Variants in DMD observed in about 807,000 individuals in gnomAD.
DMD encodes the protein mutant dystrophin.
A neutral mutation model predicts 330.1 loss-of-function variants in DMD; 63 were observed. The observed-to-expected ratio is 0.19, with a 90% confidence interval of 0.16 to 0.24. The LOEUF is 0.24. Among genes scored for constraint, DMD ranks in the 10% least tolerant of loss-of-function variants. DMD has a pLI of 1.00. For missense variants in DMD, 3,344 were observed against 2,684.1 expected (o/e 1.25, Z -5.43); for synonymous variants, 1,223 against 959.8 (o/e 1.27, Z -5.07).
intron 2 of DMD, among the ~76,000 whole-genome samples, chrX:33,012,969 G>A (rs1360521764): frequency 9.0e-6 from 1 of 110,734 alleles, no homozygotes; most frequent in African/African-American, 3.3e-5. Flanking sequence ...AACATTCAAA[G>A]GTAGATTAAA....
intron 3 of DMD, among the ~76,000 whole-genome samples, chrX:32,846,091 G>A (rs1178612766): frequency 9.0e-6 from 1 of 111,469 alleles, no homozygotes; most frequent in Non-Finnish European, 1.9e-5. Context: ...CACTAAGATT[G>A]GTGCTTGTCA....
intron 59 of DMD, among the ~76,000 whole-genome samples, chrX:31,455,794 C>T (rs947383856): frequency 8.9e-6 from 1 of 111,861 alleles, no homozygotes; most frequent in African/African-American, 3.2e-5. Flanking sequence ...AAAATATATT[C>T]TGCTTGGTGG....
intron 39 of DMD, 41 bp from the exon 40 acceptor site, chrX:32,343,327 G>A: frequency 9.1e-7 from 1 of 1,096,689 alleles, no homozygotes; most frequent in Non-Finnish European, 1.3e-6. Context: ...CAATATATAT[G>A]TATAGTGCAC....
chrX:33,160,386 T>C (rs2048714503), intron 1 of DMD, among the ~76,000 whole-genome samples: 1 of 111,504 alleles, frequency 9.0e-6, no homozygotes, highest in South Asian at 3.8e-4. Context: ...ACTGCCTTTA[T>C]GTGAAGGAAG....
Position 33,082,087 on chromosome X carries a change from A to T in DMD, c.32-61887T>A, listed in dbSNP as rs777489065. 1.7e-4 allele frequency among the ~76,000 whole-genome samples: 19 copies of T among 111,212 alleles called. No homozygotes were observed. The South Asian group carries it at 5.8e-3, about 34-fold the overall frequency. On this transcript the variant is annotated intron_variant, in intron 1 of 78. Coordinates refer to ENST00000357033, the MANE Select transcript of DMD (RefSeq NM_004006.3). ...TTAAGAGTGGCAAGACAAAAAAATT[A>T]AAAAAGAGAAAAAAATGGAGAAAAA...
At chrX:32,809,276 G>T (rs775251434) in intron 7 of DMD, among the ~76,000 whole-genome samples, 1 of 111,945 alleles carries the variant, frequency 8.9e-6, no homozygotes, top group South Asian at 3.7e-4. Flanking sequence ...TTTCCTAAAA[G>T]TCTTCACTGC....
Position 32,417,913 on chromosome X carries a change from C to T in DMD, c.4072-6000G>A, listed in dbSNP as rs1200225732. Reference sequence around the variant, plus strand: ...ATTTGCCTATTTTCCTTAACTCCTACTTCCCAAGACATTGGAGAATAATAT... The same window carrying T: ...ATTTGCCTATTTTCCTTAACTCCTATTTCCCAAGACATTGGAGAATAATAT... On this transcript the variant is annotated intron_variant, in intron 29 of 78. Transcript: ENST00000357033. Among the ~76,000 whole-genome samples, 3 of 107,411 alleles carry T rather than the reference C, an allele frequency of 2.8e-5. No individual in the cohort carries two copies. In the Admixed American group the frequency reaches 3.0e-4, roughly 11 times the overall value. 93.3% of individuals were successfully genotyped at this position (107,411 alleles called of 115,157 possible).
At chrX:32,398,187 T>C (rs1357121155) in intron 30 of DMD, among the ~76,000 whole-genome samples, 3 of 110,371 alleles carry the variant, frequency 2.7e-5, no homozygotes, top group African/African-American at 9.8e-5. Context: ...TTGAAAAGTT[T>C]CAGGTTATAC....
intron 43 of DMD, among the ~76,000 whole-genome samples, chrX:32,235,111 CATTAT>C (rs2097182802): frequency 1.8e-5 from 2 of 111,340 alleles, no homozygotes; most frequent in Non-Finnish European, 3.8e-5. Flanking sequence ...ATTATTATCA[CATTAT>C]AATATATAAT....
intron 63 of DMD, among the ~76,000 whole-genome samples, chrX:31,246,292 G>A (rs1331532411): frequency 8.9e-6 from 1 of 111,951 alleles, no homozygotes; most frequent in African/African-American, 3.2e-5. Context: ...GCTAGTAGAG[G>A]TTGCTTCAAG....
At chrX:31,207,485 A>T (rs1212070456) in intron 65 of DMD, among the ~76,000 whole-genome samples, 6 of 112,198 alleles carry the variant, frequency 5.3e-5, no homozygotes, top group African/African-American at 1.9e-4. Flanking sequence ...AAGACATGGA[A>T]TCAATATGAA....
At chrX:31,910,468 G>A (rs890428483) in intron 47 of DMD, among the ~76,000 whole-genome samples, 1 of 112,196 alleles carries the variant, frequency 8.9e-6, no homozygotes, top group African/African-American at 3.2e-5. Context: ...CTCTCCCAAG[G>A]AGTGGGGAGG....
At chrX:32,400,203 C>T (rs1260496786) in intron 30 of DMD, among the ~76,000 whole-genome samples, 1 of 111,836 alleles carries the variant, frequency 8.9e-6, no homozygotes, top group Non-Finnish European at 1.9e-5. Flanking sequence ...TTTTCTGCAT[C>T]TATTGAGATA....
chrX:31,900,781 A>G (rs1306823228), intron 47 of DMD, among the ~76,000 whole-genome samples: 1 of 111,357 alleles, frequency 9.0e-6, no homozygotes, highest in Admixed American at 9.6e-5. Context: ...TCCCAGAGCA[A>G]GAAGTCTGTT....
rs763724596 is a variant in DMD, at chrX:32,796,133, C to A, written c.649+13360G>T. 4.5e-5 allele frequency among the ~76,000 whole-genome samples: 5 copies of A among 111,275 alleles called. No homozygotes were observed. The South Asian group carries it at 1.5e-3, about 34-fold the overall frequency. ...AGTATATATGTAAAGGGAAAGCAAT[C>A]ATATACTTTTCTAACTATCAGGAAA... On this transcript the variant is annotated intron_variant, in intron 7 of 78. Transcript: ENST00000357033.
Position 32,292,302 on chromosome X carries a change from C to CTTTTTTTTTTTTTTTTTTTTTTTTTTTT in DMD, c.6118-4602_6118-4601insAAAAAAAAAAAAAAAAAAAAAAAAAAAA. Reference sequence around the variant, plus strand: ...AACAAATATCAACAAAGGGAATATTCTTTTTTTTTTTTTTTTGAGATGGAG... The same window carrying CTTTTTTTTTTTTTTTTTTTTTTTTTTTT: ...AACAAATATCAACAAAGGGAATATTCTTTTTTTTTTTTTTTTTTTTTTTTTTTTTTTTTTTTTTTTTTTTGAGATGGAG... On this transcript the variant is annotated intron_variant, in intron 42 of 78. Coordinates refer to ENST00000357033, the MANE Select transcript of DMD (RefSeq NM_004006.3). Among the ~76,000 whole-genome samples the CTTTTTTTTTTTTTTTTTTTTTTTTTTTT allele has an allele frequency of 1.1e-3, 67 of 62,907 alleles. 17 individuals carry two copies. The highest frequency in any genetic ancestry group is 3.4e-3 in the East Asian group (5 of 1,466). The allele number at this position is 62,907 out of a possible 115,157, so 54.6% of individuals were successfully genotyped here.
chrX:31,525,071 C>T (rs1360891676), intron 55 of DMD, among the ~76,000 whole-genome samples: 1 of 111,887 alleles, frequency 8.9e-6, no homozygotes, highest in Non-Finnish European at 1.9e-5. Flanking sequence ...GATCCTGACT[C>T]ATAGTATTCA....
At chrX:32,276,718 G>A (rs1290220779) in intron 43 of DMD, among the ~76,000 whole-genome samples, 3 of 110,620 alleles carry the variant, frequency 2.7e-5, no homozygotes, top group South Asian at 3.9e-4. Flanking sequence ...TCAGGAGTTC[G>A]AGACCAGCCT....
intron 41 of DMD, among the ~76,000 whole-genome samples, chrX:32,334,308 A>G (rs748227402): frequency 1.8e-3 from 202 of 111,993 alleles, no homozygotes; most frequent in Middle Eastern, 4.7e-3. Context: ...TTACAATTCC[A>G]TTTGCTAAAG....
Sources: allele counts gnomAD v4.1 joint callset (sites outside exome capture counted in the v4.1 genomes callset), GRCh38; gene constraint gnomAD v4.1.1; transcripts MANE v1.5; gene names NCBI Gene and HGNC (gene_info 2026-07-23, HGNC 2026-07-21).